The following CERS6 variants were observed in gnomAD, a reference collection of about 807,000 sequenced individuals.
The protein encoded by CERS6 is ceramide synthase 6.
CERS6 carries 26 observed loss-of-function variants against 56.8 expected under a neutral mutation model. The observed-to-expected ratio is 0.46, with a 90% CI of 0.34 to 0.63. The LOEUF (loss-of-function observed/expected upper bound fraction) is 0.63, where lower values mean the gene tolerates loss of function less well. CERS6 is among the 30% of genes least tolerant of loss of function. The pLI, the probability that CERS6 is intolerant of heterozygous loss-of-function variation, is 0.01. For missense variants in CERS6, 415 were observed against 467.5 expected, an observed-to-expected ratio of 0.89 and a Z score of 1.04; for synonymous variants, 164 against 173.3, an observed-to-expected ratio of 0.95 and a Z score of 0.42.
intron 1 of CERS6, among the ~76,000 whole-genome samples, chr2:168,494,363 C>T (rs1476649777): frequency 1.3e-5 from 2 of 152,076 alleles, no homozygotes; most frequent in South Asian, 2.1e-4. Context: ...ATTAGCTCTT[C>T]GACTTTGGGC....
At chr2:168,682,383 AT>A (rs1282622079) in intron 4 of CERS6, among the ~76,000 whole-genome samples, 1 of 152,202 alleles carries the variant, frequency 6.6e-6, no homozygotes, top group Non-Finnish European at 1.5e-5. Context: ...GGGTAAATAT[AT>A]TGCCAGGCAT....
At chr2:168,718,286 G>A (rs753339028) in intron 8 of CERS6, among the ~76,000 whole-genome samples, 3 of 152,190 alleles carry the variant, frequency 2.0e-5, no homozygotes, top group Non-Finnish European at 4.4e-5. Flanking sequence ...TTGGAATTAA[G>A]AAAGAAACCG....
At chr2:168,698,195 G>A (rs1359935917) in intron 6 of CERS6, among the ~76,000 whole-genome samples, 5 of 123,814 alleles carry the variant, frequency 4.0e-5, no homozygotes, top group East Asian at 2.3e-4. Context: ...TGGCACCGCC[G>A]CACTCCAGCC....
intron 1 of CERS6, among the ~76,000 whole-genome samples, chr2:168,460,958 G>T (rs980963688): frequency 6.6e-6 from 1 of 152,068 alleles, no homozygotes; most frequent in Non-Finnish European, 1.5e-5. Context: ...CTTGGGTGAG[G>T]CCTTCTAGGA....
At chr2:168,630,942 T>G in intron 3 of CERS6, 43 bp from the exon 4 acceptor site, 1 of 945,938 alleles carries the variant, frequency 1.1e-6, no homozygotes, top group Non-Finnish European at 1.7e-6. Context: ...ATGCTGTGAA[T>G]ATATAAACTG....
chr2:168,654,550 A>C (rs1402691877), intron 4 of CERS6, among the ~76,000 whole-genome samples: 1 of 152,178 alleles, frequency 6.6e-6, no homozygotes, highest in Non-Finnish European at 1.5e-5. Context: ...TCTCAAAAAA[A>C]CAAAACAAAA....
chr2:168,700,119 T>A (rs1242320708), intron 6 of CERS6, among the ~76,000 whole-genome samples: 1 of 152,152 alleles, frequency 6.6e-6, no homozygotes. Flanking sequence ...AAACACTACA[T>A]CTTATAAAAG....
chr2:168,687,771 G>A (rs1324491032), intron 4 of CERS6, among the ~76,000 whole-genome samples: 1 of 152,186 alleles, frequency 6.6e-6, no homozygotes. Flanking sequence ...GCACAATCAT[G>A]GCTTATTGCA....
chr2:168,500,386 A>G (rs1694557995), intron 1 of CERS6, among the ~76,000 whole-genome samples: 1 of 152,202 alleles, frequency 6.6e-6, no homozygotes, highest in African/African-American at 2.4e-5. Context: ...TTGACAAGGA[A>G]TGGAATTGGT....
intron 6 of CERS6, among the ~76,000 whole-genome samples, chr2:168,695,728 G>A (rs533106386): frequency 4.7e-4 from 71 of 152,212 alleles, no homozygotes; most frequent in African/African-American, 1.7e-3. Flanking sequence ...ACAGAGTTCT[G>A]GACCTGAATT....
At chr2:168,752,172 G>A (rs2105446456) in intron 8 of CERS6, among the ~76,000 whole-genome samples, 1 of 152,144 alleles carries the variant, frequency 6.6e-6, no homozygotes, top group African/African-American at 2.4e-5. Flanking sequence ...ATGTGGTGGT[G>A]GCACAGCTGT....
chr2:168,720,763 A>C (rs541125019), intron 8 of CERS6, among the ~76,000 whole-genome samples: 194 of 152,324 alleles, frequency 1.3e-3, no homozygotes, highest in Non-Finnish European at 2.0e-3. Flanking sequence ...TTATTTATTT[A>C]ACGTGAAAAG....
intron 3 of CERS6, among the ~76,000 whole-genome samples, chr2:168,603,226 G>A (rs1303397292): frequency 1.3e-5 from 2 of 152,144 alleles, no homozygotes; most frequent in East Asian, 1.9e-4. Flanking sequence ...GGCCTCATTG[G>A]TGATGGGAAG....
intron 1 of CERS6, among the ~76,000 whole-genome samples, chr2:168,521,977 T>C (rs1276606905): frequency 1.3e-5 from 2 of 152,234 alleles, no homozygotes; most frequent in African/African-American, 2.4e-5. Flanking sequence ...ACCTCCATCA[T>C]TGAAAGCCTA....
chr2:168,675,676 A>G (rs1686040658), intron 4 of CERS6, among the ~76,000 whole-genome samples: 1 of 152,150 alleles, frequency 6.6e-6, no homozygotes, highest in African/African-American at 2.4e-5. Flanking sequence ...ACATTTGGAA[A>G]AAAATAACTA....
chr2:168,511,509 A>G (rs6710428), intron 1 of CERS6, among the ~76,000 whole-genome samples: 13,645 of 152,032 alleles, frequency 0.09, 1,234 homozygotes, highest in African/African-American at 0.22. Context: ...GTGTTCTGAA[A>G]TTTCCCAGTG....
chr2:168,533,975 A>G (rs1401867440), intron 1 of CERS6, among the ~76,000 whole-genome samples: 1 of 151,928 alleles, frequency 6.6e-6, no homozygotes, highest in African/African-American at 2.4e-5. Flanking sequence ...GCGGTCTTCA[A>G]ACTCTGATAT....
At chr2:168,471,123 C>T (rs1194299853) in intron 1 of CERS6, among the ~76,000 whole-genome samples, 1 of 152,170 alleles carries the variant, frequency 6.6e-6, no homozygotes, top group East Asian at 1.9e-4. Context: ...CATGGCTTAC[C>T]GCTTATTTGA....
intron 8 of CERS6, among the ~76,000 whole-genome samples, chr2:168,765,259 G>A (rs1684697693): frequency 6.6e-6 from 1 of 152,128 alleles, no homozygotes; most frequent in Admixed American, 6.5e-5. Flanking sequence ...GGCAGTGATG[G>A]TTACACAACA....
Sources: gnomAD v4.1 joint callset for allele counts (sites outside exome capture counted in the v4.1 genomes callset) on GRCh38, gnomAD v4.1.1 for gene constraint, MANE v1.5 for transcripts, NCBI Gene and HGNC (gene_info 2026-07-23, HGNC 2026-07-21) for gene names.